Variants in QRSL1 observed in about 807,000 individuals in gnomAD.
The protein encoded by QRSL1 is glutamyl-tRNA(Gln) amidotransferase subunit A, mitochondrial.
QRSL1 carries 54 observed loss-of-function variants against 61.6 expected under a neutral mutation model. The observed-to-expected ratio is 0.88, with a 90% CI of 0.70 to 1.10. The LOEUF (loss-of-function observed/expected upper bound fraction) is 1.10, where lower values mean the gene tolerates loss of function less well. Ranked by LOEUF, QRSL1 falls within the 50% of genes least tolerant of loss-of-function variation. The pLI is 0.00. For missense variants in QRSL1, 505 were observed against 622.6 expected (o/e 0.81, Z 2.01); for synonymous variants, 228 against 225.7 (o/e 1.01, Z -0.09).
At chr6:106,643,706 A>G (rs950478651) in intron 4 of QRSL1, among the ~76,000 whole-genome samples, 2 of 151,968 alleles carry the variant, frequency 1.3e-5, no homozygotes, top group Non-Finnish European at 2.9e-5. Context: ...GAATTCTTTC[A>G]TATATTTTGG....
intron 5 of QRSL1, 60 bp from the exon 6 acceptor site, chr6:106,652,149 G>T: frequency 1.4e-6 from 2 of 1,457,936 alleles, no homozygotes; most frequent in Non-Finnish European, 1.9e-6. Flanking sequence ...TGAAAGGGTA[G>T]ATTCCAAATA....
chr6:106,663,269 G>T (rs1459107625), intron 10 of QRSL1, 84 bp downstream of exon 10: 3 of 1,369,636 alleles, frequency 2.2e-6, no homozygotes, highest in Non-Finnish European at 3.1e-6. Flanking sequence ...CTAGCTAGAT[G>T]GTTTCCGAAA....
chr6:106,648,068 C>A (rs1470308089), intron 4 of QRSL1, among the ~76,000 whole-genome samples: 1 of 151,048 alleles, frequency 6.6e-6, no homozygotes, highest in Non-Finnish European at 1.5e-5. Flanking sequence ...GAGGCCAAGG[C>A]GGGTGGATTA....
chr6:106,638,448 G>T (rs1158676660), intron 1 of QRSL1, among the ~76,000 whole-genome samples: 2 of 152,120 alleles, frequency 1.3e-5, no homozygotes, highest in African/African-American at 2.4e-5. Flanking sequence ...GGGATTACAG[G>T]CATGCACCAC....
chr6:106,639,119 G>GTTTTTTTTTTTTTTTTTT (rs1177849683), intron 1 of QRSL1, among the ~76,000 whole-genome samples: 7 of 122,812 alleles, frequency 5.7e-5, no homozygotes, highest in African/African-American at 2.3e-4. Context: ...GTGTTTTGTT[G>GTTTTTTTTTTTTTTTTTT]TTTTTTTTTT....
intron 4 of QRSL1, among the ~76,000 whole-genome samples, chr6:106,648,131 A>G (rs1453643444): frequency 6.6e-6 from 1 of 151,608 alleles, no homozygotes; most frequent in African/African-American, 2.4e-5. Flanking sequence ...CCCCGTCTCT[A>G]CTGAAAATAC....
chr6:106,647,571 A>AAAAG (rs927940291), intron 4 of QRSL1, among the ~76,000 whole-genome samples: 5 of 150,840 alleles, frequency 3.3e-5, no homozygotes, highest in African/African-American at 4.9e-5. Flanking sequence ...AAAAAAAAAA[A>AAAAG]AGAGAGAGAC....
At chr6:106,631,106 G>C (rs111730582) in intron 1 of QRSL1, among the ~76,000 whole-genome samples, 1 of 151,628 alleles carries the variant, frequency 6.6e-6, no homozygotes. Flanking sequence ...GGCGCCTGTA[G>C]TCCCAGCTAC....
At chr6:106,631,112 G>C (rs1776819684) in intron 1 of QRSL1, among the ~76,000 whole-genome samples, 1 of 152,018 alleles carries the variant, frequency 6.6e-6, no homozygotes, top group Admixed American at 6.5e-5. Context: ...TGTAGTCCCA[G>C]CTACTCGGGA....
At chr6:106,662,920 A>T in intron 9 of QRSL1, 60 bp from the exon 10 acceptor site, 1 of 1,357,082 alleles carries the variant, frequency 7.4e-7, no homozygotes. Flanking sequence ...AATGTAAGAT[A>T]ATTGATTAAA....
chr6:106,644,211 A>G (rs181025370), intron 4 of QRSL1, among the ~76,000 whole-genome samples: 3 of 152,210 alleles, frequency 2.0e-5, no homozygotes, highest in African/African-American at 7.2e-5. Flanking sequence ...CCTTTCATAT[A>G]GACAGGGTCT....
Position 106,663,173 on chromosome 6 carries a change from G to A in QRSL1, c.1354G>A (p.Val452Ile). 1 of 1,613,926 alleles carries A rather than the reference G, an allele frequency of 6.2e-7. No individual in the cohort carries two copies. Among genetic ancestry groups the A allele is most frequent in the Non-Finnish European group, 8.5e-7 (1 of 1,179,860 alleles). Residue 452 changes from valine (V) to isoleucine (I), a missense_variant, in exon 10 of 11, where the codon GTA becomes ATA. Val to Ile is a conservative substitution (Grantham distance 29). Coordinates refer to ENST00000369046, the MANE Select transcript of QRSL1 (RefSeq NM_018292.5). ...CCAGGATGATATTTTTACACAAGCT[G>A]TAAATATGGCAGGTGAGGATTCCTC... Reference protein sequence around the residue: ...SAQDDIFTQAVNMAGLPAVSI... With the variant: ...SAQDDIFTQAINMAGLPAVSI...
At position 106,649,149 on chromosome 6, in the gene QRSL1, G is replaced by A; in HGVS notation, c.505G>A (p.Gly169Arg). 6.2e-7 allele frequency: 1 copy of A among 1,614,182 alleles called. No homozygotes were observed. The highest frequency in any genetic ancestry group is 8.5e-7 in the Non-Finnish European group (1 of 1,180,020). Reference sequence around the variant, plus strand: ...TGAAGATTCAGACTGGCTGATAACTGGAGGAAGCTCAGGTGGGAGTGCAGC... The same window carrying A: ...TGAAGATTCAGACTGGCTGATAACTAGAGGAAGCTCAGGTGGGAGTGCAGC... ...ENEDSDWLIT[G>R]GSSGGSAAAV... Residue 169 changes from glycine to arginine, a missense_variant, in exon 5 of 11, where the codon GGA becomes AGA. Transcript: ENST00000369046.
In QRSL1 at chr6:106,647,871, C is replaced by T. The variant is rs181259679; in HGVS notation, c.381-1154C>T. ...TTCACCGTGTTATCCAGGATGGTCT[C>T]GATCTCCTGACCTCGTGTTCCGCCC... On this transcript the variant is annotated intron_variant, in intron 4 of 10. Coordinates refer to ENST00000369046, the MANE Select transcript of QRSL1 (RefSeq NM_018292.5). 1.8e-3 allele frequency among the ~76,000 whole-genome samples: 272 copies of T among 150,098 alleles called. 1 individual carries two copies. The highest frequency in any genetic ancestry group is 6.4e-3 in the African/African-American group (263 of 40,982).
intron 7 of QRSL1, among the ~76,000 whole-genome samples, chr6:106,654,349 C>CA (rs528316129): frequency 2.3e-3 from 234 of 101,468 alleles, no homozygotes; most frequent in Middle Eastern, 0.011. Flanking sequence ...GACTCCGTCT[C>CA]AAAAAAAAAA....
intron 1 of QRSL1, among the ~76,000 whole-genome samples, chr6:106,634,049 A>G (rs1386416076): frequency 6.6e-6 from 1 of 152,182 alleles, no homozygotes; most frequent in Non-Finnish European, 1.5e-5. Context: ...GGAGCTGGAC[A>G]TTTTAGCTAG....
chr6:106,643,524 A>G (rs1200988011), intron 4 of QRSL1, among the ~76,000 whole-genome samples: 1 of 152,122 alleles, frequency 6.6e-6, no homozygotes, highest in Non-Finnish European at 1.5e-5. Context: ...TACTAAAAAC[A>G]CAAAAATTGC....
chr6:106,639,602 T>C (rs1350799508), intron 1 of QRSL1, among the ~76,000 whole-genome samples: 1 of 152,234 alleles, frequency 6.6e-6, no homozygotes, highest in Non-Finnish European at 1.5e-5. Context: ...CTTTTACTTA[T>C]TGTTATTCAT....
intron 9 of QRSL1, among the ~76,000 whole-genome samples, chr6:106,662,013 G>GAAC (rs1777365275): frequency 6.6e-6 from 1 of 152,098 alleles, no homozygotes; most frequent in Non-Finnish European, 1.5e-5. Flanking sequence ...GCCCGGCCTA[G>GAAC]AACAGTTCTT....
Sources: gnomAD v4.1 joint callset for allele counts (sites outside exome capture counted in the v4.1 genomes callset) on GRCh38, gnomAD v4.1.1 for gene constraint, MANE v1.5 for transcripts, NCBI Gene and HGNC (gene_info 2026-07-23, HGNC 2026-07-21) for gene names.